Variants in DLG2 observed in about 807,000 individuals in gnomAD.
DLG2 encodes the protein disks large homolog 2.
A neutral mutation model predicts 132.5 loss-of-function variants in DLG2; 45 were observed. That is an observed-to-expected ratio of 0.34 (90% confidence interval 0.27 to 0.44). DLG2 has a LOEUF of 0.44. DLG2 is among the 20% of genes least tolerant of loss of function. DLG2 has a pLI of 1.00. For synonymous variants in DLG2, 424 were observed against 419.6 expected (o/e 1.01, Z -0.13); for missense variants, 1,045 against 1,196.9 (o/e 0.87, Z 1.87).
At chr11:84,440,534 A>G (rs1034520020) in intron 7 of DLG2, among the ~76,000 whole-genome samples, 2 of 152,202 alleles carry the variant, frequency 1.3e-5, no homozygotes, top group African/African-American at 4.8e-5. Flanking sequence ...GCAGCTTCCT[A>G]CAGTTAATCC....
chr11:83,718,075 C>T (rs1286204872), intron 18 of DLG2, among the ~76,000 whole-genome samples: 1 of 152,176 alleles, frequency 6.6e-6, no homozygotes, highest in Non-Finnish European at 1.5e-5. Context: ...AAGACAAGTG[C>T]AGCACATGCT....
chr11:84,383,907 C>A (rs143212892), intron 7 of DLG2, among the ~76,000 whole-genome samples: 112 of 151,964 alleles, frequency 7.4e-4, no homozygotes, highest in African/African-American at 2.6e-3. Flanking sequence ...TGTTACGCAG[C>A]ATAGAAAATG....
At chr11:85,490,358 A>G (rs1178096651) in intron 3 of DLG2, among the ~76,000 whole-genome samples, 4 of 152,046 alleles carry the variant, frequency 2.6e-5, no homozygotes, top group East Asian at 3.8e-4. Context: ...TAACAATCTA[A>G]CAACTAGTTA....
chr11:83,924,636 C>G (rs534198368), intron 15 of DLG2, among the ~76,000 whole-genome samples: 61 of 152,106 alleles, frequency 4.0e-4, no homozygotes, highest in Non-Finnish European at 5.0e-4. Flanking sequence ...TGAACGGAAA[C>G]AGTCTTTTAT....
chr11:84,675,867 T>G lies in DLG2; in HGVS notation c.358-141136A>C, dbSNP rs570768372. On this transcript the variant is annotated intron_variant, in intron 6 of 27. Coordinates refer to ENST00000376104, the MANE Select transcript of DLG2 (RefSeq NM_001142699.3). The stretch of plus-strand genomic sequence containing the variant: ...TGCCAAAGGATTTATGCACAGGGAC[T>G]CTGGCCTCTTTCTCCTCCCTTGTCC... 2.0e-5 allele frequency among the ~76,000 whole-genome samples: 3 copies of G among 152,206 alleles called. No homozygotes were observed. In the South Asian group the frequency reaches 6.2e-4, roughly 32 times the overall value.
intron 3 of DLG2, among the ~76,000 whole-genome samples, chr11:85,501,034 G>C (rs944515030): frequency 6.6e-6 from 1 of 152,156 alleles, no homozygotes; most frequent in Non-Finnish European, 1.5e-5. Flanking sequence ...CAAGTCTACA[G>C]TAAACAAAAC....
chr11:84,176,525 C>T (rs2154275831), intron 8 of DLG2, among the ~76,000 whole-genome samples: 1 of 151,664 alleles, frequency 6.6e-6, no homozygotes, highest in East Asian at 1.9e-4. Context: ...ATTCAATTAA[C>T]TTAGAAGTCT....
At chr11:84,842,997 T>C (rs1307169715) in intron 6 of DLG2, among the ~76,000 whole-genome samples, 1 of 152,002 alleles carries the variant, frequency 6.6e-6, no homozygotes, top group Non-Finnish European at 1.5e-5. Flanking sequence ...GAACAAAGAA[T>C]ACTGTTCAAT....
intron 18 of DLG2, chr11:83,724,973 C>T: frequency 1.4e-6 from 1 of 700,338 alleles, no homozygotes; most frequent in Non-Finnish European, 2.6e-6. Flanking sequence ...GCCTGGCCAG[C>T]ACACACCTCC....
intron 2 of DLG2, among the ~76,000 whole-genome samples, chr11:85,614,177 G>C (rs1373232738): frequency 6.6e-6 from 1 of 152,190 alleles, no homozygotes; most frequent in Non-Finnish European, 1.5e-5. Context: ...ACTCATTCCA[G>C]ACACAAAAGT....
At chr11:84,954,318 G>A (rs2051342844) in intron 6 of DLG2, among the ~76,000 whole-genome samples, 1 of 148,052 alleles carries the variant, frequency 6.8e-6, no homozygotes, top group African/African-American at 2.5e-5. Context: ...GGGAGATCAA[G>A]GAGCAATAGT....
At chr11:84,333,912 C>A (rs554420786) in intron 7 of DLG2, among the ~76,000 whole-genome samples, 2 of 151,956 alleles carry the variant, frequency 1.3e-5, no homozygotes, top group Non-Finnish European at 2.9e-5. Flanking sequence ...TAGTAGGGTT[C>A]GAAGAAATGA....
intron 5 of DLG2, among the ~76,000 whole-genome samples, chr11:85,128,755 T>C (rs1337865109): frequency 6.6e-6 from 1 of 152,180 alleles, no homozygotes; most frequent in Non-Finnish European, 1.5e-5. Context: ...GGAATTCCAT[T>C]ATATAAAATG....
intron 3 of DLG2, among the ~76,000 whole-genome samples, chr11:85,323,758 G>A (rs1009316829): frequency 2.0e-5 from 3 of 152,190 alleles, no homozygotes; most frequent in Non-Finnish European, 2.9e-5. Context: ...TACAATACTT[G>A]TATTTCTGTG....
intron 6 of DLG2, among the ~76,000 whole-genome samples, chr11:84,667,505 T>TTTG (rs2099701118): frequency 8.9e-6 from 1 of 112,090 alleles, no homozygotes; most frequent in African/African-American, 3.5e-5. Flanking sequence ...TTTGTTTTTT[T>TTTG]TTTTTTTTTG....
chr11:84,516,878 T>A (rs1295260895), intron 7 of DLG2, among the ~76,000 whole-genome samples: 1 of 150,594 alleles, frequency 6.6e-6, no homozygotes, highest in Non-Finnish European at 1.5e-5. Context: ...TTTGCTATGA[T>A]CAACTGGTCT....
intron 6 of DLG2, among the ~76,000 whole-genome samples, chr11:85,107,965 C>G (rs904499711): frequency 1.3e-4 from 19 of 141,868 alleles, no homozygotes; most frequent in African/African-American, 4.8e-4. Flanking sequence ...CCTCTCAGCC[C>G]CATTACTACA....
intron 3 of DLG2, among the ~76,000 whole-genome samples, chr11:85,392,853 G>C (rs2086921745): frequency 6.6e-6 from 1 of 152,064 alleles, no homozygotes; most frequent in Non-Finnish European, 1.5e-5. Context: ...TGAAATATAA[G>C]AGCTGAAACC....
intron 6 of DLG2, among the ~76,000 whole-genome samples, chr11:84,979,048 C>T (rs945425359): frequency 6.6e-6 from 1 of 152,112 alleles, no homozygotes; most frequent in Non-Finnish European, 1.5e-5. Context: ...AGCCAACAGA[C>T]ACATGAAAAA....
Sources: gnomAD v4.1 joint callset for allele counts (sites outside exome capture counted in the v4.1 genomes callset) on GRCh38, gnomAD v4.1.1 for gene constraint, MANE v1.5 for transcripts, NCBI Gene and HGNC (gene_info 2026-07-23, HGNC 2026-07-21) for gene names.